Variants in NELL1 observed in about 807,000 individuals in gnomAD.
NELL1 encodes neural EGFL like 1.
Under a neutral mutation model 107.4 loss-of-function variants are expected in NELL1, and 76 were observed. That is an observed-to-expected ratio of 0.71 (90% CI 0.59 to 0.86). The LOEUF is 0.86. Among genes scored for constraint, NELL1 ranks in the 40% least tolerant of loss-of-function variants. The pLI, the probability that NELL1 is intolerant of heterozygous loss-of-function variation, is 0.00. For synonymous variants in NELL1, 353 were observed against 341.2 expected (o/e 1.03, Z -0.38); for missense variants, 1,024 against 1,005.5 (o/e 1.02, Z -0.25).
intron 14 of NELL1, among the ~76,000 whole-genome samples, chr11:21,336,969 C>CA (rs1434889531): frequency 6.6e-6 from 1 of 151,922 alleles, no homozygotes; most frequent in Non-Finnish European, 1.5e-5. Context: ...GAAATCTCAG[C>CA]AAATATTATG....
chr11:21,244,388 T>C (rs996913516), intron 14 of NELL1, among the ~76,000 whole-genome samples: 1 of 152,200 alleles, frequency 6.6e-6, no homozygotes, highest in South Asian at 2.1e-4. Flanking sequence ...TTCTTGAGGA[T>C]AGGGAAACAT....
chr11:21,229,557 A>T, intron 14 of NELL1, 103 bp downstream of exon 14: 3 of 1,464,270 alleles, frequency 2.0e-6, no homozygotes, highest in Non-Finnish European at 2.8e-6. Flanking sequence ...GAACACAGCC[A>T]GGGTTCCTGC....
intron 14 of NELL1, among the ~76,000 whole-genome samples, chr11:21,244,939 G>T (rs569574873): frequency 1.3e-5 from 2 of 152,222 alleles, no homozygotes; most frequent in Admixed American, 1.3e-4. Context: ...TATCTCCATG[G>T]ATTGTTTTTA....
At chr11:21,454,840 G>C (rs975678564) in intron 15 of NELL1, among the ~76,000 whole-genome samples, 1 of 152,140 alleles carries the variant, frequency 6.6e-6, no homozygotes, top group Non-Finnish European at 1.5e-5. Flanking sequence ...CTTCACCTTC[G>C]TGACATCATC....
chr11:20,743,918 T>C (rs901443655), intron 2 of NELL1, among the ~76,000 whole-genome samples: 1 of 152,146 alleles, frequency 6.6e-6, no homozygotes, highest in Non-Finnish European at 1.5e-5. Flanking sequence ...CTTGCCCCAA[T>C]CCTAAGCCTT....
chr11:20,786,118 A>G (rs1856950109), intron 3 of NELL1, among the ~76,000 whole-genome samples: 1 of 151,812 alleles, frequency 6.6e-6, no homozygotes, highest in African/African-American at 2.4e-5. Flanking sequence ...TGGGAGGCCA[A>G]GAAGGGCGGA....
chr11:21,109,252 G>T (rs1212794507), intron 12 of NELL1, among the ~76,000 whole-genome samples: 1 of 152,074 alleles, frequency 6.6e-6, no homozygotes, highest in African/African-American at 2.4e-5. Flanking sequence ...ATTGCCAGGG[G>T]CTGTTCCTAG....
At chr11:20,928,937 G>T (rs1830111049) in intron 9 of NELL1, among the ~76,000 whole-genome samples, 1 of 152,318 alleles carries the variant, frequency 6.6e-6, no homozygotes, top group African/African-American at 2.4e-5. Flanking sequence ...ACTTCCGGAT[G>T]AAATTCAGTT....
At chr11:20,754,391 A>G (rs80256331) in intron 2 of NELL1, among the ~76,000 whole-genome samples, 2 of 152,184 alleles carry the variant, frequency 1.3e-5, no homozygotes, top group African/African-American at 2.4e-5. Flanking sequence ...GACCTGAAGG[A>G]TGAACCCTAG....
chr11:21,451,350 C>A (rs1249586753), intron 15 of NELL1, among the ~76,000 whole-genome samples: 2 of 152,046 alleles, frequency 1.3e-5, no homozygotes, highest in Admixed American at 1.3e-4. Flanking sequence ...GTGTTGTTTG[C>A]AGATTATGGA....
chr11:20,817,899 T>C (rs1337788505), intron 3 of NELL1, among the ~76,000 whole-genome samples: 2 of 152,090 alleles, frequency 1.3e-5, no homozygotes, highest in Non-Finnish European at 2.9e-5. Context: ...ACTAGTTGTT[T>C]AATTTCCATG....
intron 2 of NELL1, among the ~76,000 whole-genome samples, chr11:20,734,927 T>C (rs556720963): frequency 6.6e-6 from 1 of 152,292 alleles, no homozygotes; most frequent in Admixed American, 6.5e-5. Context: ...ATTACTGAAT[T>C]AGAAACTTTG....
chr11:21,460,788 T>C (rs987709897), intron 15 of NELL1, among the ~76,000 whole-genome samples: 2 of 152,112 alleles, frequency 1.3e-5, no homozygotes, highest in Non-Finnish European at 2.9e-5. Flanking sequence ...GTACACCGTC[T>C]CTTCATTAGC....
intron 14 of NELL1, among the ~76,000 whole-genome samples, chr11:21,321,082 C>T (rs924721164): frequency 1.3e-5 from 2 of 152,170 alleles, no homozygotes; most frequent in African/African-American, 4.8e-5. Flanking sequence ...TTTTAGAACT[C>T]TTTCTTCATC....
At chr11:21,401,117 A>G (rs772819907) in intron 15 of NELL1, among the ~76,000 whole-genome samples, 5 of 151,890 alleles carry the variant, frequency 3.3e-5, no homozygotes, top group Non-Finnish European at 7.4e-5. Context: ...CCCTTTCTGT[A>G]ATGTTGGCTG....
rs141563599 is a variant in NELL1, at chr11:21,140,731, T to C, written c.1426+27017T>C. Among the ~76,000 whole-genome samples the C allele has an allele frequency of 4.9e-3, 739 of 152,332 alleles. 7 individuals carry two copies. The highest frequency in any genetic ancestry group is 0.015 in the African/African-American group (634 of 41,574). Reference sequence around the variant, plus strand: ...TAGATTCTGATTTTTAATATATTGCTAGCTCTTTATAGAAAACCTTTCTTC... The same window carrying C: ...TAGATTCTGATTTTTAATATATTGCCAGCTCTTTATAGAAAACCTTTCTTC... On this transcript the variant is annotated intron_variant, in intron 13 of 19. Transcript: ENST00000357134.
intron 14 of NELL1, among the ~76,000 whole-genome samples, chr11:21,292,300 C>T (rs985634373): frequency 3.9e-5 from 6 of 152,024 alleles, no homozygotes; most frequent in African/African-American, 1.4e-4. Flanking sequence ...ACAAACAGTG[C>T]AAAATCATGA....
intron 15 of NELL1, among the ~76,000 whole-genome samples, chr11:21,518,912 T>A (rs186161934): frequency 6.6e-6 from 1 of 152,338 alleles, no homozygotes; most frequent in East Asian, 1.9e-4. Flanking sequence ...TCTCAAGTAA[T>A]TGTGACTTAA....
intron 13 of NELL1, among the ~76,000 whole-genome samples, chr11:21,227,340 A>G (rs1374140918): frequency 6.6e-6 from 1 of 152,142 alleles, no homozygotes; most frequent in Non-Finnish European, 1.5e-5. Context: ...TCATTCTAAA[A>G]TATGTTCCTT....
Sources: allele counts gnomAD v4.1 joint callset (sites outside exome capture counted in the v4.1 genomes callset), GRCh38; gene constraint gnomAD v4.1.1; transcripts MANE v1.5; gene names NCBI Gene and HGNC (gene_info 2026-07-23, HGNC 2026-07-21).